The following PCDHGA6 variants were observed in gnomAD, a reference collection of about 807,000 sequenced individuals.
The protein encoded by PCDHGA6 is protocadherin gamma-A6.
PCDHGA6 carries 41 observed loss-of-function variants against 60.6 expected under a neutral mutation model. The observed-to-expected ratio is 0.68, with a 90% CI of 0.53 to 0.88. The LOEUF (loss-of-function observed/expected upper bound fraction) is 0.88, where lower values mean the gene tolerates loss of function less well. PCDHGA6 is among the 40% of genes least tolerant of loss of function. The pLI, the probability that PCDHGA6 is intolerant of heterozygous loss-of-function variation, is 0.00. For synonymous variants in PCDHGA6, 594 were observed against 524.4 expected (o/e 1.13, Z -1.81); for missense variants, 1,312 against 1,203.0 (o/e 1.09, Z -1.34).
chr5:141,468,950 T>TG (rs752125489), intron 1 of PCDHGA6, among the ~76,000 whole-genome samples: 34 of 140,680 alleles, frequency 2.4e-4, no homozygotes, highest in African/African-American at 4.9e-4. Context: ...GGTAAACCTG[T>TG]GGTTTTTTTT....
intron 1 of PCDHGA6, chr5:141,417,918 T>C (rs1371704441): frequency 1.2e-6 from 2 of 1,605,528 alleles, no homozygotes; most frequent in Non-Finnish European, 8.5e-7. Context: ...CTATTTCCTT[T>C]GCTGCTGCCT....
At chr5:141,456,057 C>T (rs2098842079) in intron 1 of PCDHGA6, among the ~76,000 whole-genome samples, 1 of 151,914 alleles carries the variant, frequency 6.6e-6, no homozygotes, top group South Asian at 2.1e-4. Context: ...ACCACCACGT[C>T]CGGCTAATTT....
At chr5:141,414,135 A>G in intron 1 of PCDHGA6, 1 of 1,595,504 alleles carries the variant, frequency 6.3e-7, no homozygotes, top group Non-Finnish European at 8.5e-7. Context: ...GTTTCTATGA[A>G]ATAGAAATAC....
chr5:141,423,624 T>A (rs756883871), intron 1 of PCDHGA6: 9 of 1,607,038 alleles, frequency 5.6e-6, no homozygotes, highest in African/African-American at 1.3e-5. Flanking sequence ...AAGACTCAGC[T>A]ATCATTTTAG....
chr5:141,390,366 A>G, intron 1 of PCDHGA6: 1 of 1,524,656 alleles, frequency 6.6e-7, no homozygotes, highest in Non-Finnish European at 8.9e-7. Flanking sequence ...TTGCAGGAAA[A>G]TATATAATTT....
At chr5:141,441,763 G>A in intron 1 of PCDHGA6, 1 of 384,020 alleles carries the variant, frequency 2.6e-6, no homozygotes, top group Non-Finnish European at 5.2e-6. Flanking sequence ...GTGAGCCTGC[G>A]CGTGTTGGTG....
chr5:141,430,790 A>G, intron 1 of PCDHGA6: 1 of 1,516,892 alleles, frequency 6.6e-7, no homozygotes, highest in South Asian at 1.3e-5. Context: ...CCGGGACTAC[A>G]AAGGGCTTGT....
At chr5:141,387,499 T>A (rs57697403) in intron 1 of PCDHGA6, among the ~76,000 whole-genome samples, 12,383 of 152,290 alleles carry the variant, frequency 0.081, 653 homozygotes, top group African/African-American at 0.15. Context: ...TAAGAGTACA[T>A]TTTTAGACGT....
rs369206085 is a variant in PCDHGA6 at position 141,490,515 on chromosome 5, G to A, written c.2425-4292G>A. On this transcript the variant is annotated intron_variant, in intron 1 of 3. Transcript: ENST00000517434. The surrounding 1 kb of genome is among the most constrained non-coding windows in gnomAD (Gnocchi z 5.4). ...CATCCCACTATATCATCGAGCTGCT[G>A]GCCAGCGATGCTGGTTCACCTTCCC... The A allele has an allele frequency of 2.3e-5, 37 of 1,613,840 alleles. No individual in the cohort carries two copies. In the Middle Eastern group the frequency reaches 1.2e-3, roughly 50 times the overall value.
At chr5:141,415,063 G>A (rs569362520) in intron 1 of PCDHGA6, 3 of 1,613,432 alleles carry the variant, frequency 1.9e-6, no homozygotes, top group Admixed American at 1.7e-5. Flanking sequence ...CACGGGCGAG[G>A]TGCGCACGGC....
At chr5:141,450,006 C>CTT (rs1554136305) in intron 1 of PCDHGA6, among the ~76,000 whole-genome samples, 6 of 132,984 alleles carry the variant, frequency 4.5e-5, no homozygotes, top group East Asian at 2.2e-4. Flanking sequence ...TGCCATGTCT[C>CTT]TTTTTTTTTT....
intron 1 of PCDHGA6, chr5:141,382,788 ATCCT>A: frequency 1.1e-6 from 1 of 917,668 alleles, no homozygotes; most frequent in Non-Finnish European, 1.7e-6. Flanking sequence ...TCAAGCCTCT[ATCCT>A]GCTGGATTCT....
At position 141,490,006 on chromosome 5, in the gene PCDHGA6, C is replaced by T; in HGVS notation, c.2425-4801C>T. The stretch of plus-strand genomic sequence containing the variant: ...ACGTGTGGGAATCCCAGAGAATGCA[C>T]CCATTGGTACTCTGCTGCTCCGCCT... On this transcript the variant is annotated intron_variant, in intron 1 of 3. Coordinates refer to ENST00000517434, the MANE Select transcript of PCDHGA6 (RefSeq NM_018919.3). This position sits in a 1 kb window ranked among gnomAD's most constrained non-coding sequence, Gnocchi z 5.4. 2 of 1,614,222 alleles carry T rather than the reference C, an allele frequency of 1.2e-6. No homozygotes were observed. The highest frequency in any genetic ancestry group is 1.7e-6 in the Non-Finnish European group (2 of 1,180,010).
In PCDHGA6 at chr5:141,422,644, T is replaced by C. The variant is rs770618826; in HGVS notation, c.2424+46137T>C. 9 of 1,612,266 alleles carry C rather than the reference T, an allele frequency of 5.6e-6. No homozygotes were observed. The Admixed American group carries it at 1.5e-4, about 27-fold the overall frequency. ...AAACAACCCCAGGGGTGCCTCCATC[T>C]TCTCAGTGACCGCCCTCGACCCGGA... On this transcript the variant is annotated intron_variant, in intron 1 of 3. Coordinates refer to ENST00000517434, the MANE Select transcript of PCDHGA6 (RefSeq NM_018919.3).
intron 1 of PCDHGA6, chr5:141,379,491 C>T (rs1173749207): frequency 6.6e-6 from 1 of 152,150 alleles, no homozygotes; most frequent in Non-Finnish European, 1.5e-5. Context: ...ACTATACTAC[C>T]AATTTGGGAT....
At chr5:141,492,168 A>C (rs1426223836) in intron 1 of PCDHGA6, among the ~76,000 whole-genome samples, 1 of 152,108 alleles carries the variant, frequency 6.6e-6, no homozygotes, top group African/African-American at 2.4e-5. Context: ...CTATCCCCGC[A>C]TCACCCAACC....
chr5:141,376,507 G>A lies in PCDHGA6; in HGVS notation c.2424G>A (p.Gln808=). The A allele has an allele frequency of 1.2e-6, 2 of 1,614,090 alleles. No homozygotes were observed. Among genetic ancestry groups the A allele is most frequent in the Non-Finnish European group, 1.7e-6 (2 of 1,179,970 alleles). The part of the protein sequence containing the change: ...LETKGEPRQL[Q]QAPPNTDWRF... ...CGAAAGGAGAACCCAGGCAACTTCAGGTGAGTTTCTTTCCGCCTAAGCGGG... is the reference window on the plus strand; with the variant it reads ...CGAAAGGAGAACCCAGGCAACTTCAAGTGAGTTTCTTTCCGCCTAAGCGGG... Residue 808 remains glutamine (Q), a splice_region_variant and synonymous_variant, in exon 1 of 4, where the codon CAG becomes CAA. Transcript: ENST00000517434.
intron 1 of PCDHGA6, among the ~76,000 whole-genome samples, chr5:141,452,803 A>G (rs1045171800): frequency 2.6e-5 from 4 of 152,186 alleles, no homozygotes; most frequent in African/African-American, 9.7e-5. Context: ...TTTTTGCTGT[A>G]GTTTGTTCAT....
At chr5:141,403,050 A>G in intron 1 of PCDHGA6, 2 of 1,614,060 alleles carry the variant, frequency 1.2e-6, no homozygotes, top group Non-Finnish European at 1.7e-6. Flanking sequence ...CAGATTCGCT[A>G]CTCAGTGCCT....
Sources: allele counts gnomAD v4.1 joint callset (sites outside exome capture counted in the v4.1 genomes callset), GRCh38; gene constraint gnomAD v4.1.1; non-coding constraint Gnocchi (gnomAD v3.1); transcripts MANE v1.5; gene names NCBI Gene and HGNC (gene_info 2026-07-23, HGNC 2026-07-21).